Variants in FBP2 observed in about 807,000 individuals in gnomAD.
FBP2 encodes the protein fructose-bisphosphatase 2, also known as fructose-1,6-bisphosphatase isozyme 2.
FBP2 carries 27 observed loss-of-function variants against 31.6 expected under a neutral mutation model. The ratio of observed to expected loss-of-function variants is 0.85; its 90% CI spans 0.63 to 1.18. FBP2 has a LOEUF of 1.18. FBP2 is among the 50% of genes most tolerant of loss of function. FBP2 has a pLI of 0.00. For missense variants in FBP2, 421 were observed against 436.1 expected, an observed-to-expected ratio of 0.97 and a Z score of 0.31; for synonymous variants, 168 against 179.8, an observed-to-expected ratio of 0.93 and a Z score of 0.53.
At chr9:94,584,123 T>C (rs1373833594) in intron 3 of FBP2, among the ~76,000 whole-genome samples, 1 of 152,178 alleles carries the variant, frequency 6.6e-6, no homozygotes, top group East Asian at 1.9e-4. Flanking sequence ...TCAGGTGTAC[T>C]CAGGGGTTCA....
rs542459049 is a variant in FBP2 at position 94,576,365 on chromosome 9, T to C, written c.427-4763A>G. ...GTGGTTAATAAAGTCACTTTCTATC[T>C]ACCAGGCCTCACTCTTGTTAACTGG... On this transcript the variant is annotated intron_variant, in intron 3 of 6. Coordinates refer to ENST00000375337, the MANE Select transcript of FBP2 (RefSeq NM_003837.4). Among the ~76,000 whole-genome samples the C allele has an allele frequency of 3.3e-5, 5 of 152,344 alleles. No individual in the cohort carries two copies. The East Asian group carries it at 7.7e-4, about 23-fold the overall frequency.
In FBP2 at chr9:94,559,071, G is replaced by A. The variant is rs374298239; in HGVS notation, c.887C>T (p.Ala296Val). Residue 296 changes from alanine to valine, a missense_variant, in exon 7 of 7, where the codon GCG becomes GTG. By Grantham distance (64) the Ala-to-Val change is moderately conservative (BLOSUM62 0). Transcript: ENST00000375337. ...CAGTACAGGCTGGGTCCCCGTGGTC[G>A]CCAAGCCTCCTGCCTGCTCAATGAT... ...AYIIEQAGGL[A>V]TTGTQPVLDV... 52 of 1,613,940 alleles carry A rather than the reference G, an allele frequency of 3.2e-5. No homozygotes were observed. The highest frequency in any genetic ancestry group is 4.5e-5 in the East Asian group (2 of 44,868).
rs1827524827 is a variant in FBP2 at position 94,593,584 on chromosome 9, G to A, written c.143C>T (p.Ala48Val). Reference sequence around the variant, plus strand: ...GTGGGCCAGACCGGCCTTGCGCACAGCCGAGGAGATGGCTTTGATGGCCGT... The same window carrying A: ...GTGGGCCAGACCGGCCTTGCGCACAACCGAGGAGATGGCTTTGATGGCCGT... ...MLTAIKAISS[A>V]VRKAGLAHLY... The change falls in exon 1 of 7, where the codon GCT becomes GTT. Residue 48 changes from alanine (A) to valine (V), a missense_variant. Coordinates refer to ENST00000375337, the MANE Select transcript of FBP2 (RefSeq NM_003837.4). The A allele has an allele frequency of 6.2e-7, 1 of 1,613,970 alleles. No homozygotes were observed. The highest frequency in any genetic ancestry group is 8.5e-7 in the Non-Finnish European group (1 of 1,180,038).
intron 6 of FBP2, among the ~76,000 whole-genome samples, chr9:94,559,571 GTC>G (rs1827063452): frequency 6.6e-6 from 1 of 150,730 alleles, no homozygotes; most frequent in Non-Finnish European, 1.5e-5. Context: ...ATGCCGGCTT[GTC>G]TCTCTGGGGA....
intron 3 of FBP2, among the ~76,000 whole-genome samples, chr9:94,574,645 T>A (rs1827299424): frequency 1.3e-5 from 2 of 152,174 alleles, no homozygotes; most frequent in Admixed American, 1.3e-4. Context: ...AAATTATTCA[T>A]GACATTCCAT....
chr9:94,571,142 A>G (rs1827264396), intron 4 of FBP2, among the ~76,000 whole-genome samples: 1 of 152,198 alleles, frequency 6.6e-6, no homozygotes, highest in Non-Finnish European at 1.5e-5. Context: ...GGAAATTTGC[A>G]GCATTGTGAT....
At chr9:94,561,275 G>A (rs1471150189) in intron 6 of FBP2, among the ~76,000 whole-genome samples, 1 of 149,364 alleles carries the variant, frequency 6.7e-6, no homozygotes, top group African/African-American at 2.5e-5. Context: ...AGATGCCCCT[G>A]TTGTAGGAAA....
chr9:94,591,300 C>G (rs56144694), intron 1 of FBP2, among the ~76,000 whole-genome samples: 12,570 of 152,084 alleles, frequency 0.083, 619 homozygotes, highest in South Asian at 0.15. Flanking sequence ...CGGGAAGGCA[C>G]CTAAGGCCCA....
At chr9:94,585,980 C>A (rs1827422810) in intron 2 of FBP2, among the ~76,000 whole-genome samples, 1 of 152,174 alleles carries the variant, frequency 6.6e-6, no homozygotes, top group African/African-American at 2.4e-5. Flanking sequence ...GCAATCCTCC[C>A]ACCTCAGCCT....
chr9:94,589,579 T>C (rs943187612), intron 1 of FBP2, among the ~76,000 whole-genome samples: 2 of 152,206 alleles, frequency 1.3e-5, no homozygotes, highest in African/African-American at 4.8e-5. Flanking sequence ...AAGAAAGGAA[T>C]TTCCTTTGCC....
Position 94,559,107 on chromosome 9 carries a change from G to T in FBP2, c.851C>A (p.Pro284His), listed in dbSNP as rs1564177802. 1.2e-6 allele frequency: 2 copies of T among 1,613,276 alleles called. No homozygotes were observed. The highest frequency in any genetic ancestry group is 1.7e-5 in the Admixed American group (1 of 60,012). Residue 284 changes from proline (P) to histidine (H), a missense_variant, in exon 7 of 7, where the codon CCC becomes CAC. Transcript: ENST00000375337. ...GKLRLLYECN[P>H]VAYIIEQAGG... ...TGCCTGCTCAATGATGTAGGCCACG[G>T]GATTGCATTCATACAGGAGCCGGAG...
intron 5 of FBP2, 134 bp downstream of exon 5, chr9:94,567,136 C>CA (rs1827201084): frequency 2.4e-6 from 2 of 817,980 alleles, no homozygotes; most frequent in South Asian, 3.5e-5. Flanking sequence ...AGGCAGAGTC[C>CA]ATCATCTTCA....
chr9:94,592,199 T>C (rs1405879892), intron 1 of FBP2, among the ~76,000 whole-genome samples: 1 of 152,150 alleles, frequency 6.6e-6, no homozygotes, highest in African/African-American at 2.4e-5. Flanking sequence ...AGCGTGGCTG[T>C]TATTGCCAAA....
chr9:94,569,695 C>T (rs1827244848), intron 4 of FBP2: 1 of 152,226 alleles, frequency 6.6e-6, no homozygotes, highest in Non-Finnish European at 1.5e-5. Context: ...ACACCAGATC[C>T]TGGTCACAAG....
intron 1 of FBP2, among the ~76,000 whole-genome samples, chr9:94,589,796 T>A (rs1827470606): frequency 7.1e-6 from 1 of 140,912 alleles, no homozygotes; most frequent in African/African-American, 2.7e-5. Context: ...ACGTGAGCAG[T>A]CAGCTGTCTT....
intron 1 of FBP2, among the ~76,000 whole-genome samples, chr9:94,592,430 C>T (rs1274989363): frequency 3.3e-5 from 5 of 152,198 alleles, no homozygotes. Flanking sequence ...GTTAGCTCCT[C>T]ATTTTGAGTC....
chr9:94,566,433 T>G (rs768694995), intron 5 of FBP2, among the ~76,000 whole-genome samples: 3 of 152,282 alleles, frequency 2.0e-5, no homozygotes, highest in Non-Finnish European at 4.4e-5. Context: ...CTGCTGCAGT[T>G]AACCAGCCCA....
intron 2 of FBP2, among the ~76,000 whole-genome samples, chr9:94,585,697 G>A (rs115830061): frequency 0.014 from 2,130 of 152,214 alleles, 60 homozygotes; most frequent in African/African-American, 0.049. Flanking sequence ...GTCAGAGCTC[G>A]CTGCAGCCTA....
intron 4 of FBP2, chr9:94,568,771 G>A (rs931734351): frequency 1.3e-5 from 2 of 152,148 alleles, no homozygotes; most frequent in Non-Finnish European, 2.9e-5. Context: ...AGTGACAACT[G>A]CTTCTATATC....
Sources: allele counts gnomAD v4.1 joint callset (sites outside exome capture counted in the v4.1 genomes callset), GRCh38; gene constraint gnomAD v4.1.1; transcripts MANE v1.5; gene names NCBI Gene and HGNC (gene_info 2026-07-23, HGNC 2026-07-21).